The following GNAI2 variants were observed in gnomAD, a reference collection of about 807,000 sequenced individuals.
GNAI2 encodes the protein guanine nucleotide-binding protein G(i) subunit alpha-2.
A neutral mutation model predicts 36.8 loss-of-function variants in GNAI2; 4 were observed. That is an observed-to-expected ratio of 0.11 (90% confidence interval 0.05 to 0.25). The LOEUF is 0.25. Ranked by LOEUF, GNAI2 falls within the 10% of genes least tolerant of loss-of-function variation. The pLI, the probability that GNAI2 is intolerant of heterozygous loss-of-function variation, is 1.00. For synonymous variants in GNAI2, 194 were observed against 194.1 expected (o/e 1.00, Z 0.01); for missense variants, 230 against 481.3 (o/e 0.48, Z 4.89).
upstream of GNAI2, among the ~76,000 whole-genome samples, chr3:50,232,987 G>T (rs1197433796): frequency 6.6e-6 from 1 of 151,788 alleles, no homozygotes; most frequent in African/African-American, 2.4e-5. Context: ...TGGGTGTCTC[G>T]GGGAGGCTTC....
intron 1 of GNAI2, among the ~76,000 whole-genome samples, chr3:50,249,331 T>TGGGTGCTTTGAGCCCCAGG (rs1337840119): frequency 6.6e-6 from 1 of 152,182 alleles, no homozygotes; most frequent in Non-Finnish European, 1.5e-5. Flanking sequence ...CCTGCCCCAG[T>TGGGTGCTTTGAGCCCCAGG]GGGTGCTTTG....
chr3:50,251,541 G>A, intron 1 of GNAI2: 2 of 1,175,888 alleles, frequency 1.7e-6, no homozygotes, highest in Non-Finnish European at 2.1e-6. Context: ...GCTCAGGGCA[G>A]ACCTGAGCGC....
chr3:50,239,001 A>G (rs1575440428), intron 1 of GNAI2, among the ~76,000 whole-genome samples: 1 of 152,336 alleles, frequency 6.6e-6, no homozygotes, highest in East Asian at 1.9e-4. Context: ...CTGATGTGGT[A>G]CACACAGGCA....
upstream of GNAI2, among the ~76,000 whole-genome samples, chr3:50,228,170 G>A (rs771802661): frequency 2.0e-5 from 3 of 152,126 alleles, no homozygotes; most frequent in Non-Finnish European, 4.4e-5. Flanking sequence ...CATTTCCCTC[G>A]AATGGTGCCC....
upstream of GNAI2, among the ~76,000 whole-genome samples, chr3:50,228,142 T>C (rs1234497419): frequency 6.6e-6 from 1 of 152,162 alleles, no homozygotes; most frequent in Non-Finnish European, 1.5e-5. Flanking sequence ...GACAGCCCTG[T>C]CTCCACAGGC....
rs1553703130 is a variant in GNAI2, at chr3:50,256,179, C to T, written c.465-13C>T. The T allele has an allele frequency of 3.4e-6, 5 of 1,453,258 alleles. No individual in the cohort carries two copies. Among genetic ancestry groups the T allele is most frequent in the East Asian group, 2.4e-5 (1 of 41,818 alleles). The allele number at this position is 1,453,258 out of a possible 1,614,324, so 90.0% of individuals were successfully genotyped here. ...TGCTGGCCCCCACTGACCCTCCCAC[C>T]CCCCATCCCCAGCTACCTGAACGAC... On this transcript the variant is annotated splice_polypyrimidine_tract_variant and intron_variant, in intron 4 of 8. Transcript: ENST00000313601.
At chr3:50,244,841 G>C (rs587735880) in intron 1 of GNAI2, among the ~76,000 whole-genome samples, 1 of 152,308 alleles carries the variant, frequency 6.6e-6, no homozygotes, top group African/African-American at 2.4e-5. Context: ...AAGCGTCCAA[G>C]CCTCTCTGGG....
chr3:50,252,517 C>T lies in GNAI2; in HGVS notation c.282C>T (p.Asp94=). The T allele has an allele frequency of 6.2e-7, 1 of 1,613,544 alleles. No homozygotes were observed. Among genetic ancestry groups the T allele is most frequent in the South Asian group, 1.1e-5 (1 of 91,076 alleles). The change falls in exon 3 of 9, where the codon GAC becomes GAT. Residue 94 remains aspartate, a synonymous_variant. Coordinates refer to ENST00000313601, the MANE Select transcript of GNAI2 (RefSeq NM_002070.4). This position sits in a 1 kb window ranked among gnomAD's most constrained non-coding sequence, Gnocchi z 4.1. ...IVKAMGNLQI[D]FADPSRADDA... Reference sequence around the variant, plus strand: ...AAGCCATGGGCAACCTGCAGATCGACTTTGCCGACCCCTCCAGAGCGGTAT... The same window carrying T: ...AAGCCATGGGCAACCTGCAGATCGATTTTGCCGACCCCTCCAGAGCGGTAT...
At chr3:50,243,381 A>G (rs1487449168) in intron 1 of GNAI2, among the ~76,000 whole-genome samples, 1 of 152,256 alleles carries the variant, frequency 6.6e-6, no homozygotes, top group Non-Finnish European at 1.5e-5. Flanking sequence ...CCGAGCGGCC[A>G]TTGCTCTCCA....
At chr3:50,229,895 CACAT>C, upstream of GNAI2, 2 of 152,326 alleles carry the variant, frequency 1.3e-5, no homozygotes, top group Non-Finnish European at 2.9e-5. Context: ...GGGTTCTCAG[CACAT>C]TGGCAGGCAA....
At position 50,252,598 on chromosome 3, in the gene GNAI2, T is replaced by G. The variant is rs906380502; in HGVS notation, c.303+60T>G. ...CAAAAGGTTTCGGGGTGGCTGGTTG[T>G]GGTGGCTCATGCCTATAAATCCCAG... On this transcript the variant is annotated intron_variant, in intron 3 of 8. Coordinates refer to ENST00000313601, the MANE Select transcript of GNAI2 (RefSeq NM_002070.4). The surrounding 1 kb of genome is among the most constrained non-coding windows in gnomAD (Gnocchi z 4.1). The G allele has an allele frequency of 7.2e-7, 1 of 1,384,974 alleles. No homozygotes were observed. Among genetic ancestry groups the G allele is most frequent in the Non-Finnish European group, 1.0e-6 (1 of 992,302 alleles). 85.8% of individuals were successfully genotyped at this position (1,384,974 alleles called of 1,614,324 possible).
chr3:50,235,321 T>A (rs1219410039), upstream of GNAI2: 2 of 152,078 alleles, frequency 1.3e-5, no homozygotes, highest in East Asian at 3.9e-4. Flanking sequence ...AACCAATTTT[T>A]TTTTTTTTTT....
At chr3:50,246,427 TGA>T (rs1204467596) in intron 1 of GNAI2, among the ~76,000 whole-genome samples, 1 of 152,238 alleles carries the variant, frequency 6.6e-6, no homozygotes, top group East Asian at 1.9e-4. Context: ...GCACGGGATC[TGA>T]GAACCACAGG....
chr3:50,246,907 C>T (rs782192064), intron 1 of GNAI2: 3 of 1,446,244 alleles, frequency 2.1e-6, no homozygotes, highest in Non-Finnish European at 2.7e-6. Flanking sequence ...AGCTCTGACT[C>T]CTGTCCCAGG....
chr3:50,239,068 A>T (rs1369883638), intron 1 of GNAI2, among the ~76,000 whole-genome samples: 1 of 152,086 alleles, frequency 6.6e-6, no homozygotes, highest in Non-Finnish European at 1.5e-5. Context: ...TATTCTAGGG[A>T]TGCTCCCCAC....
At chr3:50,247,069 A>G (rs1700442742) in intron 1 of GNAI2, 1 of 817,008 alleles carries the variant, frequency 1.2e-6, no homozygotes, top group Non-Finnish European at 2.0e-6. Flanking sequence ...GTTGCAGGAA[A>G]TGAGAGGTTT....
chr3:50,256,169 A>ACCCACCCC, intron 4 of GNAI2, 23 bp from the exon 5 acceptor site: 4 of 735,360 alleles, frequency 5.4e-6, no homozygotes, highest in Non-Finnish European at 9.3e-6. Flanking sequence ...GCCCCCACTG[A>ACCCACCCC]CCCTCCCACC....
rs1553703727 is a variant in GNAI2 at position 50,259,005 on chromosome 3, G to A, written c.*662G>A. On this transcript the variant is annotated 3_prime_UTR_variant, in exon 9 of 9. Transcript: ENST00000313601. Reference sequence around the variant, plus strand: ...CCCAGCCCCCCTTCCAAGTGACTCCGTGCCTTGAGTGTGTCTGCGTGTTTA... The same window carrying A: ...CCCAGCCCCCCTTCCAAGTGACTCCATGCCTTGAGTGTGTCTGCGTGTTTA... 4.8e-6 allele frequency: 2 copies of A among 414,464 alleles called. No homozygotes were observed. The highest frequency in any genetic ancestry group is 4.6e-6 in the Non-Finnish European group (1 of 217,238). The allele number at this position is 414,464 out of a possible 1,614,324, so 25.7% of individuals were successfully genotyped here. A position where few individuals can be genotyped will look rare whatever the true frequency, so the allele number is the denominator to read the frequency against.
chr3:50,236,382 C>G lies in GNAI2; in HGVS notation c.47C>G (p.Ser16Cys), dbSNP rs782736244. ...GAGGACAAGGCGGCGGCCGAGCGCTCTAAGATGATCGACAAGAACCTGCGG... is the reference window on the plus strand; with the variant it reads ...GAGGACAAGGCGGCGGCCGAGCGCTGTAAGATGATCGACAAGAACCTGCGG... ...SAEDKAAAER[S>C]KMIDKNLRED... The change falls in exon 1 of 9, where the codon TCT (serine) becomes TGT (cysteine). Residue 16 changes from serine to cysteine, a missense_variant. Physicochemically the swap from Ser to Cys is moderately radical, Grantham distance 112 (BLOSUM62 -1). Coordinates refer to ENST00000313601, the MANE Select transcript of GNAI2 (RefSeq NM_002070.4). This position sits in a 1 kb window ranked among gnomAD's most constrained non-coding sequence, Gnocchi z 4.0. The G allele has an allele frequency of 6.4e-7, 1 of 1,572,760 alleles. No individual in the cohort carries two copies. The highest frequency in any genetic ancestry group is 1.2e-5 in the South Asian group (1 of 86,100).
Sources: gnomAD v4.1 joint callset for allele counts (sites outside exome capture counted in the v4.1 genomes callset) on GRCh38, gnomAD v4.1.1 for gene constraint, Gnocchi (gnomAD v3.1) non-coding constraint, MANE v1.5 for transcripts, NCBI Gene and HGNC (gene_info 2026-07-23, HGNC 2026-07-21) for gene names.